UBP1: variants seen among roughly 807,000 people sequenced by gnomAD.
UBP1 encodes the protein upstream-binding protein 1.
Under a neutral mutation model 76.1 loss-of-function variants are expected in UBP1, and 22 were observed. That is an observed-to-expected ratio of 0.29 (90% CI 0.21 to 0.41). UBP1 has a LOEUF of 0.41. Among genes scored for constraint, UBP1 ranks in the 10% least tolerant of loss-of-function variants. The probability of loss-of-function intolerance (pLI) is 1.00; values close to 1 mark genes in which losing one functional copy is unlikely to be tolerated. For synonymous variants in UBP1, 224 were observed against 237.1 expected (o/e 0.94, Z 0.51); for missense variants, 436 against 668.1 (o/e 0.65, Z 3.83).
chr3:33,430,211 A>C (rs980086290), intron 1 of UBP1, among the ~76,000 whole-genome samples: 2 of 152,234 alleles, frequency 1.3e-5, no homozygotes, highest in African/African-American at 4.8e-5. Context: ...CCTAGAACTG[A>C]AAGTGGCTTT....
intron 2 of UBP1, among the ~76,000 whole-genome samples, chr3:33,417,167 T>A (rs1559684748): frequency 6.6e-6 from 1 of 152,218 alleles, no homozygotes; most frequent in African/African-American, 2.4e-5. Context: ...TTCACATTTT[T>A]AAAAAGTGTG....
rs1187613304 is a variant in UBP1 at position 33,402,887 on chromosome 3, A to T, written c.945T>A (p.Asp315Glu). 1 of 1,610,100 alleles carries T rather than the reference A, an allele frequency of 6.2e-7. No individual in the cohort carries two copies. The highest frequency in any genetic ancestry group is 8.5e-7 in the Non-Finnish European group (1 of 1,178,430). Reference sequence around the variant, plus strand: ...TGTTATTCACATAGGCTGTGGGGGCATCGGGCCACGGAGAACACTAAGGAC... The same window carrying T: ...TGTTATTCACATAGGCTGTGGGGGCTTCGGGCCACGGAGAACACTAAGGAC... ...AKRGSCSPWP[D>E]APTAYVNNSP... The change falls in exon 9 of 16, where the codon GAT (aspartate) becomes GAA (glutamate). Residue 315 changes from aspartate (D) to glutamate (E), a missense_variant. Transcript: ENST00000283629.
At chr3:33,431,374 T>A (rs1314591997) in intron 1 of UBP1, among the ~76,000 whole-genome samples, 1 of 152,124 alleles carries the variant, frequency 6.6e-6, no homozygotes, top group East Asian at 1.9e-4. Context: ...GAAGCCCAAA[T>A]GACCAAACCA....
At chr3:33,396,946 C>T (rs1027923133) in intron 12 of UBP1, 99 bp downstream of exon 12, 15 of 1,070,698 alleles carry the variant, frequency 1.4e-5, no homozygotes, top group Non-Finnish European at 2.0e-5. Context: ...CGCACACAGG[C>T]ACACACGCCA....
Position 33,409,616 on chromosome 3 carries a change from A to AGGCT in UBP1, c.556-19_556-16dup. Reference sequence around the variant, plus strand: ...ATGCAGTGTACCTATAAAACGATTCAGGCTGAAATGGATTCAAAGAACTTC... The same window carrying AGGCT: ...ATGCAGTGTACCTATAAAACGATTCAGGCTGGCTGAAATGGATTCAAAGAACTTC... On this transcript the variant is annotated splice_polypyrimidine_tract_variant and intron_variant, in intron 5 of 15. Transcript: ENST00000283629. 6.2e-7 allele frequency: 1 copy of AGGCT among 1,614,096 alleles called. No homozygotes were observed. Among genetic ancestry groups the AGGCT allele is most frequent in the Non-Finnish European group, 8.5e-7 (1 of 1,179,954 alleles).
At chr3:33,403,714 T>G (rs989756902) in intron 8 of UBP1, 1 of 152,220 alleles carries the variant, frequency 6.6e-6, no homozygotes, top group Non-Finnish European at 1.5e-5. Context: ...GGAGATACAC[T>G]ATTACAATTA....
chr3:33,393,501 G>C (rs370497722), intron 13 of UBP1, 47 bp from the exon 14 acceptor site: 1 of 1,565,024 alleles, frequency 6.4e-7, no homozygotes, highest in Non-Finnish European at 8.6e-7. Flanking sequence ...AGTAATCTTT[G>C]ATCTGTTTTC....
In UBP1 at chr3:33,409,527, A is replaced by C. The variant is rs769243896; in HGVS notation, c.630T>G (p.Val210=). Residue 210 remains valine (V), a synonymous_variant, in exon 6 of 16, where the codon GTT becomes GTG. Coordinates refer to ENST00000283629, the MANE Select transcript of UBP1 (RefSeq NM_014517.5). ...CATTTTCATTCTGCTTAAAGGTGTC[A>C]ACCTGGATCCTAAAGGGCACTCCCT... ...GEKGVPFRIQ[V]DTFKQNENGE... is the part of the protein sequence containing the mutation. 1 of 1,614,164 alleles carries C rather than the reference A, an allele frequency of 6.2e-7. No homozygotes were observed. Among genetic ancestry groups the C allele is most frequent in the East Asian group, 2.2e-5 (1 of 44,878 alleles).
intron 8 of UBP1, chr3:33,403,348 C>T (rs2044301718): frequency 4.5e-6 from 1 of 221,842 alleles, no homozygotes; most frequent in Non-Finnish European, 9.0e-6. Context: ...GCTAGTGCTC[C>T]TTTTGCCCTC....
chr3:33,390,662 G>A (rs2043725396), intron 15 of UBP1: 1 of 442,098 alleles, frequency 2.3e-6, no homozygotes, highest in East Asian at 4.0e-5. Context: ...CACAATAATA[G>A]TGCTGTCCAT....
At chr3:33,405,212 G>A (rs2044385269) in intron 8 of UBP1, among the ~76,000 whole-genome samples, 1 of 151,840 alleles carries the variant, frequency 6.6e-6, no homozygotes, top group African/African-American at 2.4e-5. Context: ...AGATTTTCAG[G>A]CATAAAACTA....
Position 33,440,033 on chromosome 3 carries a change from GAGCAATTGC to G in UBP1, c.-194_-186del. ...ACTGGCAGGGCACGACGAGCCCAGC[GAGCAATTGC>G]AGCGGGAGCGGCCGGGCCGCCGGCA... is the stretch of plus-strand genomic sequence containing the variant. On this transcript the variant is annotated 5_prime_UTR_variant, in exon 1 of 16. Coordinates refer to ENST00000283629, the MANE Select transcript of UBP1 (RefSeq NM_014517.5). 5.6e-6 allele frequency: 3 copies of G among 539,674 alleles called. No individual in the cohort carries two copies. In the South Asian group the frequency reaches 8.7e-5, roughly 16 times the overall value. The allele number at this position is 539,674 out of a possible 1,614,324, so 33.4% of individuals were successfully genotyped here.
intron 1 of UBP1, among the ~76,000 whole-genome samples, chr3:33,438,232 A>T (rs1460918351): frequency 6.6e-6 from 1 of 152,248 alleles, no homozygotes; most frequent in Non-Finnish European, 1.5e-5. Flanking sequence ...AAACCCTAGA[A>T]AAAAGTAAAA....
At chr3:33,398,545 A>C (rs1485424641) in intron 11 of UBP1, 1 of 152,440 alleles carries the variant, frequency 6.6e-6, no homozygotes, top group African/African-American at 2.4e-5. Context: ...CCCAAGGATC[A>C]GAGCAAGAAG....
At chr3:33,403,584 G>GTCTATCTATCATCTA (rs2044325452) in intron 8 of UBP1, 3 of 148,878 alleles carry the variant, frequency 2.0e-5, no homozygotes, top group African/African-American at 7.5e-5. Flanking sequence ...CTGTCTGTCT[G>GTCTATCTATCATCTA]TCTATCTATC....
At chr3:33,391,019 T>C (rs984742043) in intron 15 of UBP1, 31 of 152,430 alleles carry the variant, frequency 2.0e-4, no homozygotes, top group African/African-American at 7.5e-4. Context: ...TTATAGTATA[T>C]GTCTTCTTTT....
chr3:33,399,669 C>T (rs2044146969), intron 11 of UBP1, among the ~76,000 whole-genome samples: 1 of 152,140 alleles, frequency 6.6e-6, no homozygotes, highest in Non-Finnish European at 1.5e-5. Flanking sequence ...GTGGGTGTGA[C>T]TCCGAAGGGG....
intron 1 of UBP1, among the ~76,000 whole-genome samples, chr3:33,425,998 TA>T (rs2045006499): frequency 2.1e-4 from 6 of 29,030 alleles, no homozygotes; most frequent in Admixed American, 4.0e-4. Flanking sequence ...CAGCTCTGAA[TA>T]TATATATATA....
chr3:33,413,561 A>AC, intron 3 of UBP1, among the ~76,000 whole-genome samples: 1 of 151,894 alleles, frequency 6.6e-6, no homozygotes, highest in South Asian at 2.1e-4. Context: ...AAAAAAAAAA[A>AC]AAAACTTTGA....
Sources: gnomAD v4.1 joint callset for allele counts (sites outside exome capture counted in the v4.1 genomes callset) on GRCh38, gnomAD v4.1.1 for gene constraint, MANE v1.5 for transcripts, NCBI Gene and HGNC (gene_info 2026-07-23, HGNC 2026-07-21) for gene names.